PPM1E: variants seen among roughly 807,000 people sequenced by gnomAD.
PPM1E encodes protein phosphatase, Mg2+/Mn2+ dependent 1E, also known as protein phosphatase 1E.
In PPM1E, 20 loss-of-function variants were observed where a neutral mutation model predicts 65.9. The ratio of observed to expected loss-of-function variants is 0.30; its 90% CI spans 0.21 to 0.44. PPM1E has a LOEUF of 0.44. Ranked by LOEUF, PPM1E falls within the 20% of genes least tolerant of loss-of-function variation. The probability of loss-of-function intolerance (pLI) is 1.00; values close to 1 mark genes in which losing one functional copy is unlikely to be tolerated. For synonymous variants in PPM1E, 352 were observed against 374.9 expected, an observed-to-expected ratio of 0.94 and a Z score of 0.70; for missense variants, 713 against 953.1, an observed-to-expected ratio of 0.75 and a Z score of 3.32.
At chr17:58,770,487 G>C (rs1307856514) in intron 1 of PPM1E, among the ~76,000 whole-genome samples, 2 of 151,954 alleles carry the variant, frequency 1.3e-5, no homozygotes, top group Admixed American at 6.6e-5. Flanking sequence ...ATTGCACCCT[G>C]TGAAGAGCCA....
At chr17:58,817,298 C>A (rs1200357327) in intron 1 of PPM1E, among the ~76,000 whole-genome samples, 1 of 152,212 alleles carries the variant, frequency 6.6e-6, no homozygotes, top group East Asian at 1.9e-4. Context: ...AGTGGAATTG[C>A]CGGATCATAT....
At chr17:58,843,795 C>T (rs1031939625) in intron 1 of PPM1E, among the ~76,000 whole-genome samples, 14 of 152,140 alleles carry the variant, frequency 9.2e-5, no homozygotes, top group African/African-American at 3.4e-4. Context: ...CATGCCAATG[C>T]ACTCCAGCCT....
At chr17:58,765,192 T>G (rs1006938581) in intron 1 of PPM1E, among the ~76,000 whole-genome samples, 1 of 150,780 alleles carries the variant, frequency 6.6e-6, no homozygotes, top group Non-Finnish European at 1.5e-5. Flanking sequence ...TTTTTTTTTT[T>G]TTTTGAGACA....
At chr17:58,833,337 G>A (rs2050623105) in intron 1 of PPM1E, among the ~76,000 whole-genome samples, 1 of 148,614 alleles carries the variant, frequency 6.7e-6, no homozygotes. Flanking sequence ...GAATCATCTA[G>A]TATGTGACCT....
intron 1 of PPM1E, among the ~76,000 whole-genome samples, chr17:58,785,093 G>A (rs1048635113): frequency 2.0e-5 from 3 of 151,926 alleles, no homozygotes; most frequent in South Asian, 2.1e-4. Context: ...CTTAAGAGTT[G>A]TATAGTTTTA....
intron 2 of PPM1E, 63 bp downstream of exon 2, chr17:58,955,830 A>C: frequency 6.8e-7 from 1 of 1,469,116 alleles, no homozygotes; most frequent in Non-Finnish European, 9.1e-7. Context: ...AGTGGTCCAC[A>C]GAAAATATCT....
intron 1 of PPM1E, among the ~76,000 whole-genome samples, chr17:58,881,996 C>CTAA (rs2051200284): frequency 1.6e-5 from 1 of 62,256 alleles, no homozygotes; most frequent in Non-Finnish European, 3.0e-5. Context: ...CCTGTCTCTA[C>CTAA]AAAAAAAAAA....
intron 2 of PPM1E, among the ~76,000 whole-genome samples, chr17:58,964,626 C>T (rs1431417742): frequency 6.6e-6 from 1 of 152,182 alleles, no homozygotes; most frequent in Non-Finnish European, 1.5e-5. Context: ...TCTAGGATCA[C>T]ACGCATAGAC....
intron 1 of PPM1E, among the ~76,000 whole-genome samples, chr17:58,881,828 G>A (rs2051198199): frequency 6.6e-6 from 1 of 151,606 alleles, no homozygotes; most frequent in African/African-American, 2.4e-5. Flanking sequence ...GGGCGACAGA[G>A]CCAGACCTTG....
At chr17:58,813,313 AT>A (rs2143104641) in intron 1 of PPM1E, among the ~76,000 whole-genome samples, 1 of 152,256 alleles carries the variant, frequency 6.6e-6, no homozygotes. Context: ...TGAAAACCTC[AT>A]ACCTTGGAAT....
At chr17:58,762,710 A>C (rs2049833691) in intron 1 of PPM1E, among the ~76,000 whole-genome samples, 1 of 152,090 alleles carries the variant, frequency 6.6e-6, no homozygotes, top group Non-Finnish European at 1.5e-5. Flanking sequence ...ATCCCGGCTA[A>C]AACGGTGAAA....
At chr17:58,955,875 GT>G (rs1476102537) in intron 2 of PPM1E, 108 bp downstream of exon 2, 23 of 1,280,174 alleles carry the variant, frequency 1.8e-5, no homozygotes, top group Middle Eastern at 4.1e-4. Context: ...TTACCTGCTG[GT>G]TGTTTATGTA....
chr17:58,827,140 T>TC (rs1212891154), intron 1 of PPM1E, among the ~76,000 whole-genome samples: 1 of 147,432 alleles, frequency 6.8e-6, no homozygotes, highest in East Asian at 2.0e-4. Flanking sequence ...ATGATCTTTT[T>TC]TTTTTTTTTT....
chr17:58,758,803 G>A (rs573344163), intron 1 of PPM1E, among the ~76,000 whole-genome samples: 1 of 152,178 alleles, frequency 6.6e-6, no homozygotes, highest in African/African-American at 2.4e-5. Context: ...GTTTTTGCCG[G>A]GCACAGTGGC....
intron 1 of PPM1E, among the ~76,000 whole-genome samples, chr17:58,905,152 A>C (rs1245821488): frequency 6.6e-6 from 1 of 152,178 alleles, no homozygotes; most frequent in Non-Finnish European, 1.5e-5. Context: ...AGTTTTCTAC[A>C]TGTTACAGTT....
At chr17:58,798,525 ATTTTTT>A (rs78922975) in intron 1 of PPM1E, among the ~76,000 whole-genome samples, 11 of 89,836 alleles carry the variant, frequency 1.2e-4, no homozygotes, top group African/African-American at 4.1e-4. Context: ...ACACGGCCCT[ATTTTTT>A]TTTTTTTTTT....
chr17:58,759,491 T>C lies in PPM1E; in HGVS notation c.464+3030T>C, dbSNP rs73329092. ...AGTTTATATGGGTCAATATTTTGTATTTAATTTCTCTATACACTACTAGAG... is the reference window on the plus strand; with the variant it reads ...AGTTTATATGGGTCAATATTTTGTACTTAATTTCTCTATACACTACTAGAG... On this transcript the variant is annotated intron_variant, in intron 1 of 6. Coordinates refer to ENST00000308249, the MANE Select transcript of PPM1E (RefSeq NM_014906.5). 9.1e-3 allele frequency among the ~76,000 whole-genome samples: 1,393 copies of C among 152,364 alleles called. 25 individuals carry two copies. Among genetic ancestry groups the C allele is most frequent in the African/African-American group, 0.031 (1,289 of 41,580 alleles).
intron 1 of PPM1E, among the ~76,000 whole-genome samples, chr17:58,872,048 A>C (rs1303572894): frequency 1.3e-5 from 2 of 152,252 alleles, no homozygotes; most frequent in East Asian, 3.8e-4. Context: ...CTGTAATCCC[A>C]GCACTTTGGG....
At chr17:58,810,208 T>A (rs1361172312) in intron 1 of PPM1E, among the ~76,000 whole-genome samples, 1 of 152,012 alleles carries the variant, frequency 6.6e-6, no homozygotes, top group Admixed American at 6.5e-5. Context: ...TGCTGTGTAC[T>A]TTTTTGTTTT....
Sources: allele counts gnomAD v4.1 joint callset (sites outside exome capture counted in the v4.1 genomes callset), GRCh38; gene constraint gnomAD v4.1.1; transcripts MANE v1.5; gene names NCBI Gene and HGNC (gene_info 2026-07-23, HGNC 2026-07-21).